CSDE1: variants seen among roughly 807,000 people sequenced by gnomAD.
The protein encoded by CSDE1 is cold shock domain-containing protein E1.
A neutral mutation model predicts 89.3 loss-of-function variants in CSDE1; 17 were observed. The observed-to-expected ratio is 0.19, with a 90% CI of 0.13 to 0.29. The LOEUF is 0.29. CSDE1 is among the 10% of genes least tolerant of loss of function. The pLI is 1.00. For synonymous variants in CSDE1, 322 were observed against 332.8 expected (o/e 0.97, Z 0.35); for missense variants, 672 against 984.2 (o/e 0.68, Z 4.24).
intron 1 of CSDE1, among the ~76,000 whole-genome samples, chr1:114,755,520 T>C (rs987230510): frequency 1.3e-5 from 2 of 152,228 alleles, no homozygotes; most frequent in African/African-American, 4.8e-5. Flanking sequence ...AAAAGTTTTG[T>C]GTTGTTTTTA....
intron 12 of CSDE1, among the ~76,000 whole-genome samples, chr1:114,729,322 A>G (rs1659974830): frequency 6.6e-6 from 1 of 151,596 alleles, no homozygotes; most frequent in South Asian, 2.1e-4. Context: ...GATGGTCTCA[A>G]TCTCCTGACC....
At chr1:114,738,661 CTTTTT>C (rs752985259) in intron 3 of CSDE1, among the ~76,000 whole-genome samples, 2 of 80,040 alleles carry the variant, frequency 2.5e-5, no homozygotes, top group African/African-American at 5.2e-5. Context: ...CATGTAAAAA[CTTTTT>C]TTTTTTTTTT....
chr1:114,741,887 C>G (rs992257409), intron 2 of CSDE1, among the ~76,000 whole-genome samples: 2 of 151,996 alleles, frequency 1.3e-5, no homozygotes, highest in Non-Finnish European at 2.9e-5. Context: ...CTGAAAATGC[C>G]ACAAAGACTC....
rs189647497 is a variant in CSDE1 at position 114,745,672 on chromosome 1, T to C, written c.-1+4149A>G. 2.8e-3 allele frequency among the ~76,000 whole-genome samples: 421 copies of C among 152,320 alleles called. 1 individual carries two copies. Among genetic ancestry groups the C allele is most frequent in the Non-Finnish European group, 5.0e-3 (343 of 68,016 alleles). ...TATAGTAGGTAACACAACAGACAAATATCTCCAGCCTCATAAAGTTTAGAC... is the reference window on the plus strand; with the variant it reads ...TATAGTAGGTAACACAACAGACAAACATCTCCAGCCTCATAAAGTTTAGAC... On this transcript the variant is annotated intron_variant, in intron 2 of 19. Transcript: ENST00000358528.
intron 1 of CSDE1, among the ~76,000 whole-genome samples, chr1:114,755,585 TTTTAAAATCCTGAC>T (rs1661550976): frequency 6.6e-6 from 1 of 152,202 alleles, no homozygotes; most frequent in Admixed American, 6.5e-5. Context: ...ACAAAGGACT[TTTTAAAATCCTGAC>T]TGGGCAGAAG....
intron 13 of CSDE1, 34 bp from the exon 14 acceptor site, chr1:114,726,420 T>G: frequency 1.3e-6 from 2 of 1,562,678 alleles, no homozygotes; most frequent in Non-Finnish European, 1.7e-6. Context: ...TAACACCATA[T>G]CACTTCCACA....
chr1:114,737,478 C>T lies in CSDE1; in HGVS notation c.395G>A (p.Arg132His), dbSNP rs1039006812. 6.8e-6 allele frequency: 11 copies of T among 1,612,454 alleles called. No individual in the cohort carries two copies. Among genetic ancestry groups the T allele is most frequent in the Middle Eastern group, 1.6e-4 (1 of 6,082 alleles). Residue 132 changes from arginine to histidine, a missense_variant, in exon 5 of 20, where the codon CGT (arginine) becomes CAT (histidine). Around this residue, in one of 8 missense-constraint regions of CSDE1, gnomAD observed 124 missense variants for 138.7 expected, o/e 0.89. Coordinates refer to ENST00000358528, the MANE Select transcript of CSDE1 (RefSeq NM_001007553.3). ...QSPTGSVCYE[R>H]NGEVFYLTYT... ...AAAAATACACAAGTTTACCCCATTA[C>T]GTTCGTAGCATACACTCCCTGTTGG...
intron 12 of CSDE1, chr1:114,727,931 T>C (rs1659888196): frequency 6.6e-6 from 1 of 152,214 alleles, no homozygotes; most frequent in Non-Finnish European, 1.5e-5. Flanking sequence ...TTTCAACATT[T>C]CTATGAAGAT....
At chr1:114,726,939 A>G in intron 13 of CSDE1, 44 bp downstream of exon 13, 1 of 1,307,002 alleles carries the variant, frequency 7.7e-7, no homozygotes, top group Non-Finnish European at 1.1e-6. Flanking sequence ...TATGATTAAG[A>G]TGACAACTCT....
intron 12 of CSDE1, among the ~76,000 whole-genome samples, chr1:114,728,818 T>C (rs1280699562): frequency 6.6e-6 from 1 of 152,212 alleles, no homozygotes; most frequent in Non-Finnish European, 1.5e-5. Flanking sequence ...CTACAGTAAG[T>C]GATAAGCAAG....
chr1:114,745,717 AT>A (rs1276030750), intron 2 of CSDE1, among the ~76,000 whole-genome samples: 1 of 152,212 alleles, frequency 6.6e-6, no homozygotes, highest in African/African-American at 2.4e-5. Flanking sequence ...TTTTCTACAT[AT>A]TTACTTTTAA....
chr1:114,749,831 T>C lies in CSDE1; in HGVS notation c.-11A>G, dbSNP rs1661214902. The C allele has an allele frequency of 6.6e-6, 1 of 152,666 alleles. No homozygotes were observed. The highest frequency in any genetic ancestry group is 2.4e-5 in the African/African-American group (1 of 41,456). 9.5% of individuals were successfully genotyped at this position (152,666 alleles called of 1,614,324 possible). On this transcript the variant is annotated 5_prime_UTR_variant, in exon 2 of 20. Transcript: ENST00000358528. ...AAATTACAAACCTACCTCGCAGTGA[T>C]ACTCAAATATTGCACTTTCAGTAGT...
rs1296594072 is a variant in CSDE1, at chr1:114,719,472, A to G, written c.2216+107T>C. The stretch of plus-strand genomic sequence containing the variant: ...TAGAAGTAGGAAGTATCAAGAAATA[A>G]TAAGTGGCAGAAGACAAGGCACAGA... On this transcript the variant is annotated intron_variant, in intron 18 of 19. Transcript: ENST00000358528. 1.4e-5 allele frequency: 16 copies of G among 1,116,576 alleles called. No homozygotes were observed. In the East Asian group the frequency reaches 2.5e-4, roughly 18 times the overall value. 69.2% of individuals were successfully genotyped at this position (1,116,576 alleles called of 1,614,324 possible).
In CSDE1 at chr1:114,729,249, C is replaced by A. The variant is rs543983050; in HGVS notation, c.1356+1009G>T. On this transcript the variant is annotated intron_variant, in intron 12 of 19. Coordinates refer to ENST00000358528, the MANE Select transcript of CSDE1 (RefSeq NM_001007553.3). ...GAGTAGCTGGGATTACAGGTGCCCA[C>A]TACTATGCCCGGCTAATTTTTTTGT... Among the ~76,000 whole-genome samples the A allele has an allele frequency of 7.9e-5, 12 of 152,054 alleles. No homozygotes were observed. In the South Asian group the frequency reaches 1.5e-3, roughly 18 times the overall value.
chr1:114,718,442 G>C (rs1659322928), intron 19 of CSDE1, among the ~76,000 whole-genome samples, 171 bp downstream of exon 19: 1 of 152,184 alleles, frequency 6.6e-6, no homozygotes, highest in Non-Finnish European at 1.5e-5. Context: ...CTTACTGTAA[G>C]CAACCATTAG....
chr1:114,731,161 C>T (rs1247759352), intron 10 of CSDE1, among the ~76,000 whole-genome samples: 1 of 150,138 alleles, frequency 6.7e-6, no homozygotes, highest in African/African-American at 2.4e-5. Context: ...CTTACTGTAT[C>T]AAGAGTACCT....
intron 12 of CSDE1, among the ~76,000 whole-genome samples, chr1:114,729,044 C>G (rs993050272): frequency 1.3e-5 from 2 of 152,158 alleles, no homozygotes; most frequent in African/African-American, 4.8e-5. Flanking sequence ...TCTCCCAAAG[C>G]ACATACCTGA....
Position 114,723,981 on chromosome 1 carries a change from G to A in CSDE1, c.1775C>T (p.Ala592Val), listed in dbSNP as rs1348509304. Residue 592 changes from alanine (A) to valine (V), a missense_variant, in exon 16 of 20, where the codon GCT becomes GTT. Ala to Val is a moderately conservative substitution (Grantham distance 64). Around this residue, in one of 8 missense-constraint regions of CSDE1, gnomAD observed 206 missense variants for 332.4 expected, o/e 0.62. Transcript: ENST00000358528. ...THSVNGITEE[A>V]DPTIYSGKVI... ...TTTGCCAGAGTAAATGGTGGGATCA[G>A]CTTCCTCAGTAATGCCATTCACTAC... is the stretch of plus-strand genomic sequence containing the variant. 4 of 1,613,816 alleles carry A rather than the reference G, an allele frequency of 2.5e-6. No homozygotes were observed. The highest frequency in any genetic ancestry group is 4.5e-5 in the East Asian group (2 of 44,870).
chr1:114,726,611 T>G (rs112960478), intron 13 of CSDE1, among the ~76,000 whole-genome samples: 15 of 152,358 alleles, frequency 9.8e-5, no homozygotes, highest in African/African-American at 3.6e-4. Flanking sequence ...AGATTCTGAA[T>G]TTCTCTAGAG....
Sources: gnomAD v4.1 joint callset for allele counts (sites outside exome capture counted in the v4.1 genomes callset) on GRCh38, gnomAD v4.1.1 for gene constraint, gnomAD v4.1.1 regional missense constraint, MANE v1.5 for transcripts, NCBI Gene and HGNC (gene_info 2026-07-23, HGNC 2026-07-21) for gene names.